GRB14: variants seen among roughly 807,000 people sequenced by gnomAD.
GRB14 encodes growth factor receptor bound protein 14, also known as growth factor receptor-bound protein 14.
In GRB14, 38 loss-of-function variants were observed where a neutral mutation model predicts 69.1. The observed-to-expected ratio is 0.55, with a 90% CI of 0.42 to 0.72. The LOEUF (loss-of-function observed/expected upper bound fraction) is 0.72, where lower values mean the gene tolerates loss of function less well. GRB14 is among the 30% of genes least tolerant of loss of function. GRB14 has a pLI of 0.00. For synonymous variants in GRB14, 247 were observed against 241.3 expected, an observed-to-expected ratio of 1.02 and a Z score of -0.22; for missense variants, 666 against 666.1, an observed-to-expected ratio of 1.00 and a Z score of 0.00.
At chr2:164,511,556 C>T (rs557898674) in intron 6 of GRB14, among the ~76,000 whole-genome samples, 2 of 152,238 alleles carry the variant, frequency 1.3e-5, no homozygotes, top group South Asian at 2.1e-4. Context: ...CTGGCAGGAT[C>T]CATCACCTGC....
intron 2 of GRB14, among the ~76,000 whole-genome samples, chr2:164,557,174 G>A (rs930856244): frequency 1.3e-5 from 2 of 152,140 alleles, no homozygotes; most frequent in African/African-American, 4.8e-5. Context: ...AGGAAGAAAG[G>A]AGTGAACAAT....
At chr2:164,615,013 A>G (rs1041331081) in intron 2 of GRB14, among the ~76,000 whole-genome samples, 1 of 152,174 alleles carries the variant, frequency 6.6e-6, no homozygotes, top group Non-Finnish European at 1.5e-5. Context: ...GAGACATACA[A>G]AAAAAGGCTT....
intron 2 of GRB14, among the ~76,000 whole-genome samples, chr2:164,575,234 A>G (rs1015671989): frequency 1.3e-5 from 2 of 152,218 alleles, no homozygotes; most frequent in African/African-American, 2.4e-5. Flanking sequence ...CTCATTAATT[A>G]TAAAGGCAAC....
chr2:164,615,967 A>C (rs1045825567), intron 2 of GRB14, among the ~76,000 whole-genome samples: 23 of 152,364 alleles, frequency 1.5e-4, no homozygotes, highest in African/African-American at 5.3e-4. Flanking sequence ...ATAAATTAGA[A>C]AAAAGAGATT....
In GRB14 at chr2:164,527,023, T is replaced by A; in HGVS notation, c.594A>T (p.Lys198Asn). 1 of 1,594,452 alleles carries A rather than the reference T, an allele frequency of 6.3e-7. No individual in the cohort carries two copies. The highest frequency in any genetic ancestry group is 1.1e-5 in the South Asian group (1 of 89,688). ...RKNYAKYEFF[K>N]NPMYFFPEHM... The stretch of plus-strand genomic sequence containing the variant: ...GAGGGATTTCACTTACCATTGGGTT[T>A]TTAAAGAACTCATATTTGGCATAAT... Residue 198 changes from lysine to asparagine, a missense_variant, in exon 4 of 14, where the codon AAA becomes AAT. Physicochemically the swap from Lys to Asn is moderately conservative, Grantham distance 94. Transcript: ENST00000263915.
chr2:164,613,350 T>C (rs1431994710), intron 2 of GRB14, among the ~76,000 whole-genome samples: 1 of 152,140 alleles, frequency 6.6e-6, no homozygotes, highest in African/African-American at 2.4e-5. Flanking sequence ...CCTGTACCTC[T>C]TTCTCACATG....
intron 2 of GRB14, among the ~76,000 whole-genome samples, chr2:164,594,339 C>A (rs1326708194): frequency 2.0e-5 from 3 of 152,064 alleles, no homozygotes; most frequent in African/African-American, 7.2e-5. Context: ...TATTTTGAAA[C>A]AAAATAATTT....
chr2:164,569,022 C>T (rs1008390044), intron 2 of GRB14, among the ~76,000 whole-genome samples: 5 of 151,972 alleles, frequency 3.3e-5, no homozygotes, highest in Admixed American at 2.0e-4. Context: ...TGATATCACA[C>T]ACTGTTAAAT....
intron 6 of GRB14, among the ~76,000 whole-genome samples, chr2:164,509,249 G>C (rs964578567): frequency 2.6e-5 from 4 of 152,170 alleles, no homozygotes; most frequent in African/African-American, 9.7e-5. Flanking sequence ...GTTGGTTTGA[G>C]CTTCCATAGC....
At chr2:164,575,335 T>C (rs986037548) in intron 2 of GRB14, among the ~76,000 whole-genome samples, 1 of 152,224 alleles carries the variant, frequency 6.6e-6, no homozygotes, top group African/African-American at 2.4e-5. Context: ...AGATAAATTT[T>C]AGTCATCCAA....
In GRB14 at chr2:164,619,789, T is replaced by A. The variant is rs774970796; in HGVS notation, c.222A>T (p.Glu74Asp). The A allele has an allele frequency of 1.2e-6, 2 of 1,610,968 alleles. No homozygotes were observed. Among genetic ancestry groups the A allele is most frequent in the South Asian group, 2.2e-5 (2 of 90,704 alleles). Residue 74 changes from glutamate (E) to aspartate (D), a missense_variant, in exon 2 of 14, where the codon GAA becomes GAT. Glu to Asp is a conservative substitution (Grantham distance 45). Coordinates refer to ENST00000263915, the MANE Select transcript of GRB14 (RefSeq NM_004490.3). Reference sequence around the variant, plus strand: ...GAAAAGGGTTTGGAATAGATGGCATTTCCGGAACATCAAGATCTTTCTTTT... The same window carrying A: ...GAAAAGGGTTTGGAATAGATGGCATATCCGGAACATCAAGATCTTTCTTTT... Reference protein sequence around the residue: ...RRKKKDLDVPEMPSIPNPFPE... With the variant: ...RRKKKDLDVPDMPSIPNPFPE...
rs569797579 is a variant in GRB14 at position 164,494,763 on chromosome 2, A to ATTGT, written c.1383-243_1383-240dup. ...GCTAAATACACAACCCATTAGTCAG[A>ATTGT]TTGTTTGTTTGATCACAATAAACAA... On this transcript the variant is annotated intron_variant, in intron 12 of 13. Transcript: ENST00000263915. Among the ~76,000 whole-genome samples the ATTGT allele has an allele frequency of 2.0e-5, 3 of 152,174 alleles. No individual in the cohort carries two copies. In the East Asian group the frequency reaches 5.8e-4, roughly 29 times the overall value.
intron 8 of GRB14, among the ~76,000 whole-genome samples, chr2:164,504,259 T>A (rs996747204): frequency 3.2e-4 from 49 of 152,062 alleles, no homozygotes; most frequent in Non-Finnish European, 6.0e-4. Flanking sequence ...TGGTGTGTGA[T>A]GAAAAAAGAG....
intron 2 of GRB14, among the ~76,000 whole-genome samples, chr2:164,548,442 T>C (rs974035365): frequency 1.3e-5 from 2 of 152,178 alleles, no homozygotes; most frequent in Non-Finnish European, 1.5e-5. Flanking sequence ...TATGCTCCAA[T>C]ATACACCCAT....
At chr2:164,552,993 T>C (rs1438110720) in intron 2 of GRB14, among the ~76,000 whole-genome samples, 1 of 152,130 alleles carries the variant, frequency 6.6e-6, no homozygotes, top group Non-Finnish European at 1.5e-5. Context: ...GCACATTCCA[T>C]GCCAAGAAAT....
At chr2:164,606,739 G>C (rs1043992534) in intron 2 of GRB14, among the ~76,000 whole-genome samples, 1 of 152,114 alleles carries the variant, frequency 6.6e-6, no homozygotes, top group Admixed American at 6.5e-5. Flanking sequence ...AGCACAGTAA[G>C]ACTACTGTAA....
chr2:164,504,598 G>T (rs1365333419), intron 8 of GRB14, among the ~76,000 whole-genome samples: 1 of 152,072 alleles, frequency 6.6e-6, no homozygotes, highest in Non-Finnish European at 1.5e-5. Flanking sequence ...TCCTGTTTGG[G>T]TTCTCACAGG....
intron 2 of GRB14, among the ~76,000 whole-genome samples, chr2:164,589,776 C>T (rs1574337565): frequency 6.6e-6 from 1 of 152,146 alleles, no homozygotes; most frequent in Non-Finnish European, 1.5e-5. Context: ...CCAAGAATAA[C>T]CTTGTCTTAC....
At chr2:164,612,820 C>A (rs1297234953) in intron 2 of GRB14, among the ~76,000 whole-genome samples, 1 of 152,110 alleles carries the variant, frequency 6.6e-6, no homozygotes, top group South Asian at 2.1e-4. Context: ...AAAAAGAAAA[C>A]CCATATTGTA....
Sources: gnomAD v4.1 joint callset for allele counts (sites outside exome capture counted in the v4.1 genomes callset) on GRCh38, gnomAD v4.1.1 for gene constraint, MANE v1.5 for transcripts, NCBI Gene and HGNC (gene_info 2026-07-23, HGNC 2026-07-21) for gene names.